Variants in DIPK2A observed in about 807,000 individuals in gnomAD.
DIPK2A encodes divergent protein kinase domain 2A.
In DIPK2A, 27 loss-of-function variants were observed where a neutral mutation model predicts 39.0. The observed-to-expected ratio is 0.69, with a 90% confidence interval of 0.51 to 0.96. DIPK2A has a LOEUF of 0.96. DIPK2A is among the 40% of genes least tolerant of loss of function. The pLI is 0.00. For synonymous variants in DIPK2A, 298 were observed against 240.8 expected (o/e 1.24, Z -2.20); for missense variants, 528 against 571.3 (o/e 0.92, Z 0.77).
chr3:143,985,517 GTAATATTAAGA>G lies in DIPK2A; in HGVS notation c.658-21_658-11del. 6.3e-7 allele frequency: 1 copy of G among 1,585,030 alleles called. No homozygotes were observed. Among genetic ancestry groups the G allele is most frequent in the South Asian group, 1.1e-5 (1 of 89,612 alleles). ...TAGGATATTTTCATCAGAATCTCTT[GTAATATTAAGA>G]TAATTCTTTTGTAGAGTTTTCCGTC... On this transcript the variant is annotated splice_polypyrimidine_tract_variant and intron_variant, in intron 1 of 2. Coordinates refer to ENST00000315691, the MANE Select transcript of DIPK2A (RefSeq NM_173552.5).
intron 2 of DIPK2A, among the ~76,000 whole-genome samples, chr3:143,988,029 T>G (rs1421260033): frequency 6.6e-6 from 1 of 152,200 alleles, no homozygotes; most frequent in Non-Finnish European, 1.5e-5. Context: ...CCCATTGTTC[T>G]GGAAGTAAAA....
intron 1 of DIPK2A, among the ~76,000 whole-genome samples, chr3:143,979,271 G>A (rs2087793653): frequency 6.6e-6 from 1 of 152,150 alleles, no homozygotes; most frequent in Non-Finnish European, 1.5e-5. Flanking sequence ...CATATGAAGT[G>A]TAATGAATAG....
intron 2 of DIPK2A, among the ~76,000 whole-genome samples, chr3:143,988,998 A>G (rs1365707349): frequency 6.6e-6 from 1 of 152,210 alleles, no homozygotes; most frequent in Non-Finnish European, 1.5e-5. Flanking sequence ...CTCCTTGCCA[A>G]CTACGTTTCT....
In DIPK2A at chr3:143,977,325, ATTG is replaced by A. The variant is rs367900260; in HGVS notation, c.657+4357_657+4359del. Among the ~76,000 whole-genome samples the A allele has an allele frequency of 3.7e-3, 560 of 151,686 alleles. 1 individual carries two copies. Among genetic ancestry groups the A allele is most frequent in the African/African-American group, 0.012 (506 of 41,380 alleles). ...CAAACTCTTGAGAAATTTGGTTTTT[ATTG>A]TTGTTGTTGTTGTTGTTGTTTTCTT... On this transcript the variant is annotated intron_variant, in intron 1 of 2. Coordinates refer to ENST00000315691, the MANE Select transcript of DIPK2A (RefSeq NM_173552.5).
At position 143,985,787 on chromosome 3, in the gene DIPK2A, A is replaced by G. The variant is rs1466005214; in HGVS notation, c.902A>G (p.Lys301Arg). ...DNFAVGPRDG[K>R]VIIVDAENVL... ...TTTGCAGTTGGTCCTAGAGATGGGA[A>G]GGTAATCATTGTGGATGCTGAAAAT... Residue 301 changes from lysine to arginine, a missense_variant, in exon 2 of 3, where the codon AAG (lysine) becomes AGG (arginine). Lys to Arg is a conservative substitution (Grantham distance 26). This residue lies in a region of DIPK2A where 219 missense variants were observed against 281.5 expected (regional missense o/e 0.78). Transcript: ENST00000315691. 4.3e-6 allele frequency: 7 copies of G among 1,614,026 alleles called. No individual in the cohort carries two copies. The highest frequency in any genetic ancestry group is 2.7e-5 in the African/African-American group (2 of 74,952).
chr3:143,987,588 C>T (rs760906260), intron 2 of DIPK2A, among the ~76,000 whole-genome samples: 1 of 152,182 alleles, frequency 6.6e-6, no homozygotes, highest in Non-Finnish European at 1.5e-5. Context: ...GGCAACTCCC[C>T]CAGTGTCCTT....
chr3:143,985,470 T>C (rs1379308816), intron 1 of DIPK2A, 73 bp from the exon 2 acceptor site: 1 of 1,286,476 alleles, frequency 7.8e-7, no homozygotes, highest in Non-Finnish European at 1.1e-6. Context: ...CAATCTCTAC[T>C]GAAAGGATCT....
In DIPK2A at chr3:143,972,901, GCAGCTTC is replaced by G; in HGVS notation, c.571_577del (p.Ser191CysfsTer15). ...CGCTACGCGGAGACCAAGGACTCGG[GCAGCTTC>G]CTGCTTCGCAACCTCAAGGACTCGG... On this transcript the variant is annotated frameshift_variant, in exon 1 of 3. Coordinates refer to ENST00000315691, the MANE Select transcript of DIPK2A (RefSeq NM_173552.5). LOFTEE classifies it high-confidence loss of function. 1 of 1,583,058 alleles carries G rather than the reference GCAGCTTC, an allele frequency of 6.3e-7. No homozygotes were observed. The highest frequency in any genetic ancestry group is 8.6e-7 in the Non-Finnish European group (1 of 1,166,850).
Position 143,989,826 on chromosome 3 carries a change from TA to T in DIPK2A, c.1280del (p.Asn427ThrfsTer3). The T allele has an allele frequency of 1.2e-6, 2 of 1,612,588 alleles. No homozygotes were observed. The highest frequency in any genetic ancestry group is 1.7e-6 in the Non-Finnish European group (2 of 1,178,786). On this transcript the variant is annotated frameshift_variant, in exon 3 of 3. Transcript: ENST00000315691. LOFTEE classifies it high-confidence loss of function. ...ELREYLAQLSNNVR is the reference protein window; with the variant it reads ...ELREYLAQLSXNVR ...TGCGTGAATACCTAGCACAATTAAG[TA>T]ACAACGTGAGGTAGTCTATGGTGAA... is the stretch of plus-strand genomic sequence containing the variant.
intron 1 of DIPK2A, among the ~76,000 whole-genome samples, chr3:143,984,065 T>A (rs536112346): frequency 6.6e-6 from 1 of 152,350 alleles, no homozygotes; most frequent in East Asian, 1.9e-4. Context: ...CAGCCTCTGC[T>A]AGCTTCAAAC....
intron 1 of DIPK2A, among the ~76,000 whole-genome samples, chr3:143,974,329 C>G (rs1470559244): frequency 2.0e-5 from 3 of 152,056 alleles, no homozygotes; most frequent in Non-Finnish European, 4.4e-5. Flanking sequence ...ACATCAGAGG[C>G]TATGTGTATT....
intron 1 of DIPK2A, among the ~76,000 whole-genome samples, chr3:143,984,900 A>G (rs919696667): frequency 2.6e-5 from 4 of 152,146 alleles, no homozygotes; most frequent in African/African-American, 4.8e-5. Context: ...GATGTAGGGT[A>G]AAAGACATCT....
intron 1 of DIPK2A, among the ~76,000 whole-genome samples, chr3:143,983,266 T>G (rs55848985): frequency 1.3e-5 from 2 of 152,190 alleles, no homozygotes; most frequent in Non-Finnish European, 2.9e-5. Flanking sequence ...ATCAACAGAA[T>G]ACACATTCTT....
At chr3:143,981,626 C>T (rs2087830725) in intron 1 of DIPK2A, among the ~76,000 whole-genome samples, 1 of 152,082 alleles carries the variant, frequency 6.6e-6, no homozygotes, top group African/African-American at 2.4e-5. Flanking sequence ...AAACCGTTAC[C>T]TTTATAAAAT....
At chr3:143,978,000 G>A (rs1576807223) in intron 1 of DIPK2A, among the ~76,000 whole-genome samples, 2 of 151,998 alleles carry the variant, frequency 1.3e-5, no homozygotes, top group Admixed American at 1.3e-4. Context: ...CTTTTGTCTA[G>A]TCTTTGAACT....
At chr3:143,973,808 T>C in intron 1 of DIPK2A, 1 of 561,584 alleles carries the variant, frequency 1.8e-6, no homozygotes, top group Non-Finnish European at 3.2e-6. Context: ...TCTGACTGTT[T>C]TGAAAAGTAA....
intron 2 of DIPK2A, among the ~76,000 whole-genome samples, chr3:143,987,589 C>CA (rs1035750635): frequency 3.9e-5 from 6 of 152,184 alleles, no homozygotes; most frequent in African/African-American, 1.4e-4. Flanking sequence ...GCAACTCCCC[C>CA]AGTGTCCTTT....
At position 143,972,274 on chromosome 3, in the gene DIPK2A, G is replaced by T; in HGVS notation, c.-59G>T. The T allele has an allele frequency of 7.5e-7, 1 of 1,333,346 alleles. No individual in the cohort carries two copies. Among genetic ancestry groups the T allele is most frequent in the Non-Finnish European group, 9.6e-7 (1 of 1,045,236 alleles). The allele number at this position is 1,333,346 out of a possible 1,614,324, so 82.6% of individuals were successfully genotyped here. ...TCCTGCCGGTAGCTCTCCGGGTCTT[G>T]GCGCGGCGGGGGCGCCCCGGGGGTG... On this transcript the variant is annotated 5_prime_UTR_variant, in exon 1 of 3. Coordinates refer to ENST00000315691, the MANE Select transcript of DIPK2A (RefSeq NM_173552.5).
At chr3:143,973,420 G>C in intron 1 of DIPK2A, 1 of 1,550,336 alleles carries the variant, frequency 6.5e-7, no homozygotes. Flanking sequence ...CACCGCGTTC[G>C]CTCTTCCTTT....
Sources: allele counts gnomAD v4.1 joint callset (sites outside exome capture counted in the v4.1 genomes callset), GRCh38; gene constraint gnomAD v4.1.1; regional missense constraint gnomAD v4.1.1; transcripts MANE v1.5; gene names NCBI Gene and HGNC (gene_info 2026-07-23, HGNC 2026-07-21).